Variants in AP2B1 observed in about 807,000 individuals in gnomAD.
AP2B1 encodes the protein AP-2 complex subunit beta.
In AP2B1, 23 loss-of-function variants were observed where a neutral mutation model predicts 102.0. That is an observed-to-expected ratio of 0.23 (90% CI 0.16 to 0.32). The LOEUF is 0.32. AP2B1 is among the 10% of genes least tolerant of loss of function. AP2B1 has a pLI of 1.00. For missense variants in AP2B1, 541 were observed against 1,157.4 expected (o/e 0.47, Z 7.73); for synonymous variants, 381 against 421.2 (o/e 0.90, Z 1.17).
intron 6 of AP2B1, 140 bp downstream of exon 6, chr17:35,624,727 G>A: frequency 2.9e-6 from 2 of 688,028 alleles, no homozygotes; most frequent in East Asian, 2.9e-5. Flanking sequence ...TTTTCTCTCT[G>A]GATTTAGGAA....
intron 1 of AP2B1, among the ~76,000 whole-genome samples, chr17:35,590,075 G>A (rs1201143253): frequency 3.3e-5 from 5 of 151,858 alleles, no homozygotes; most frequent in South Asian, 2.1e-4. Context: ...ACAGGCGCCC[G>A]CCACACGCCT....
intron 9 of AP2B1, among the ~76,000 whole-genome samples, chr17:35,631,747 A>G (rs931730886): frequency 1.3e-5 from 2 of 152,242 alleles, no homozygotes; most frequent in Non-Finnish European, 2.9e-5. Flanking sequence ...TGGTGGTATA[A>G]GGAGTATCCT....
rs539443329 is a variant in AP2B1 at position 35,596,756 on chromosome 17, G to T, written c.38-1474G>T. The T allele has an allele frequency of 9.6e-5, 54 of 560,070 alleles. 2 individuals are homozygous for T. Among genetic ancestry groups the T allele is most frequent in the South Asian group, 9.3e-4 (51 of 55,086 alleles). 34.7% of individuals were successfully genotyped at this position (560,070 alleles called of 1,614,324 possible). ...CGCACACCCAGAGCGGGCTGGTGGC[G>T]AGTACAGCGCCCGCAGCTGCGCCCC... On this transcript the variant is annotated intron_variant, in intron 2 of 21. Transcript: ENST00000610402.
At chr17:35,683,193 A>G (rs587650615) in intron 18 of AP2B1, among the ~76,000 whole-genome samples, 6 of 152,286 alleles carry the variant, frequency 3.9e-5, no homozygotes, top group Non-Finnish European at 8.8e-5. Context: ...TTTCATTTAC[A>G]TGTAAAAAAG....
At chr17:35,711,433 A>G (rs1198452510) in intron 20 of AP2B1, among the ~76,000 whole-genome samples, 1 of 149,544 alleles carries the variant, frequency 6.7e-6, no homozygotes, top group African/African-American at 2.4e-5. Context: ...AAACACACAC[A>G]CACACAAAAT....
chr17:35,653,344 C>G (rs78406097), intron 13 of AP2B1, among the ~76,000 whole-genome samples: 1,528 of 152,260 alleles, frequency 0.01, 20 homozygotes, highest in African/African-American at 0.035. Context: ...CCTGTTTTTA[C>G]CACCATCCTA....
At position 35,671,810 on chromosome 17, in the gene AP2B1, A is replaced by G. The variant is rs781570022; in HGVS notation, c.2088A>G (p.Thr696=). The G allele has an allele frequency of 6.2e-7, 1 of 1,613,684 alleles. No homozygotes were observed. Among genetic ancestry groups the G allele is most frequent in the Non-Finnish European group, 8.5e-7 (1 of 1,179,828 alleles). ...SVPATFAPSP[T]PAVVSSGLND... ...CTGCAACCTTTGCTCCTTCACCTAC[A>G]CCTGCTGTGGTCAGCAGTGGACTGA... is the stretch of plus-strand genomic sequence containing the variant. The change falls in exon 16 of 22, where the codon ACA becomes ACG. Residue 696 remains threonine (T), a synonymous_variant. Transcript: ENST00000610402.
chr17:35,610,578 C>A (rs1304438140), intron 5 of AP2B1, among the ~76,000 whole-genome samples: 1 of 151,982 alleles, frequency 6.6e-6, no homozygotes, highest in East Asian at 1.9e-4. Flanking sequence ...GCCTGGGCAA[C>A]AAACTGAGAC....
At chr17:35,702,935 T>G (rs1345328535) in intron 18 of AP2B1, among the ~76,000 whole-genome samples, 1 of 152,194 alleles carries the variant, frequency 6.6e-6, no homozygotes, top group Non-Finnish European at 1.5e-5. Context: ...GAAGAGCATG[T>G]AAATTAATTC....
chr17:35,663,289 A>G (rs896193614), intron 14 of AP2B1, among the ~76,000 whole-genome samples: 3 of 152,216 alleles, frequency 2.0e-5, no homozygotes, highest in African/African-American at 7.2e-5. Flanking sequence ...CTGGCCTCAG[A>G]CAGTTTTGAG....
intron 14 of AP2B1, among the ~76,000 whole-genome samples, chr17:35,668,739 T>G (rs1404822956): frequency 1.3e-5 from 2 of 152,236 alleles, no homozygotes; most frequent in African/African-American, 2.4e-5. Flanking sequence ...TCATGCTATT[T>G]GAGAAATGGC....
chr17:35,706,639 C>G (rs1408959060), intron 18 of AP2B1, among the ~76,000 whole-genome samples: 2 of 151,810 alleles, frequency 1.3e-5, no homozygotes, highest in East Asian at 1.9e-4. Flanking sequence ...CCCATCACCC[C>G]AGTTTTCACT....
chr17:35,633,648 G>A (rs1435667277), intron 9 of AP2B1, among the ~76,000 whole-genome samples: 1 of 152,084 alleles, frequency 6.6e-6, no homozygotes, highest in Admixed American at 6.5e-5. Context: ...GGGTGGGTGG[G>A]ATGCGAATAC....
At chr17:35,599,508 A>G (rs1433388493) in intron 3 of AP2B1, among the ~76,000 whole-genome samples, 1 of 152,236 alleles carries the variant, frequency 6.6e-6, no homozygotes, top group Non-Finnish European at 1.5e-5. Context: ...TTGCTGTTTT[A>G]TAATGAAATG....
At chr17:35,605,981 C>A (rs1022245135) in intron 4 of AP2B1, 141 bp downstream of exon 4, 1 of 1,364,848 alleles carries the variant, frequency 7.3e-7, no homozygotes. Flanking sequence ...TGTGTGTCAT[C>A]CAGGGAAATT....
chr17:35,628,093 T>G (rs1379996192), intron 9 of AP2B1, among the ~76,000 whole-genome samples: 2 of 152,186 alleles, frequency 1.3e-5, no homozygotes, highest in East Asian at 3.8e-4. Context: ...CTATATTCCT[T>G]AAAAATATAA....
chr17:35,605,266 A>T, intron 3 of AP2B1, among the ~76,000 whole-genome samples: 1 of 138,878 alleles, frequency 7.2e-6, no homozygotes. Flanking sequence ...TTTTTTTTAG[A>T]CACAGGAGTC....
In AP2B1 at chr17:35,626,752, A is replaced by G; in HGVS notation, c.848A>G (p.Lys283Arg). 1 of 1,614,002 alleles carries G rather than the reference A, an allele frequency of 6.2e-7. No homozygotes were observed. Among genetic ancestry groups the G allele is most frequent in the Non-Finnish European group, 8.5e-7 (1 of 1,179,984 alleles). Residue 283 changes from lysine to arginine, a missense_variant, in exon 7 of 22, where the codon AAG (lysine) becomes AGG (arginine). Physicochemically the swap from Lys to Arg is conservative, Grantham distance 26 (BLOSUM62 2). Transcript: ENST00000610402. ...GACTACTACAATATGCTGCTGAAGA[A>G]GTTAGCCCCTCCACTTGTCACTTTG... ...DSDYYNMLLK[K>R]LAPPLVTLLS...
chr17:35,688,248 A>C (rs587731993), intron 18 of AP2B1, among the ~76,000 whole-genome samples: 14 of 152,308 alleles, frequency 9.2e-5, no homozygotes, highest in African/African-American at 3.4e-4. Context: ...TATGTAGACT[A>C]TTCCATAGGT....
Sources: allele counts gnomAD v4.1 joint callset (sites outside exome capture counted in the v4.1 genomes callset), GRCh38; gene constraint gnomAD v4.1.1; transcripts MANE v1.5; gene names NCBI Gene and HGNC (gene_info 2026-07-23, HGNC 2026-07-21).